ALDH3B2: variants seen among roughly 807,000 people sequenced by gnomAD.
ALDH3B2 encodes the protein aldehyde dehydrogenase 3 family member B2, also known as aldehyde dehydrogenase family 3 member B2.
ALDH3B2 carries 45 observed loss-of-function variants against 36.7 expected under a neutral mutation model. The observed-to-expected ratio is 1.23, with a 90% CI of 0.97 to 1.57. The LOEUF (loss-of-function observed/expected upper bound fraction) is 1.57, where lower values mean the gene tolerates loss of function less well. ALDH3B2 is among the 40% of genes most tolerant of loss of function. ALDH3B2 has a pLI of 0.00. For synonymous variants in ALDH3B2, 217 were observed against 226.5 expected (o/e 0.96, Z 0.38); for missense variants, 464 against 513.3 (o/e 0.90, Z 0.93).
intron 1 of ALDH3B2, among the ~76,000 whole-genome samples, chr11:67,680,131 T>C (rs1856343917): frequency 6.6e-6 from 1 of 151,944 alleles, no homozygotes; most frequent in Admixed American, 6.6e-5. Flanking sequence ...CTGACCAACA[T>C]GATGAAACCC....
At chr11:67,674,709 G>A (rs1856226104), upstream of ALDH3B2, 1 of 152,630 alleles carries the variant, frequency 6.6e-6, no homozygotes, top group Admixed American at 6.5e-5. Flanking sequence ...CTCACTGCCA[G>A]GACCTATAGC....
chr11:67,677,288 G>A (rs941808050), upstream of ALDH3B2, among the ~76,000 whole-genome samples: 2 of 151,996 alleles, frequency 1.3e-5, no homozygotes, highest in Non-Finnish European at 2.9e-5. Flanking sequence ...GAGATGCAGG[G>A]GTGGTTTAAC....
chr11:67,666,292 C>A, intron 5 of ALDH3B2, 24 bp downstream of exon 5: 1 of 1,610,474 alleles, frequency 6.2e-7, no homozygotes, highest in Non-Finnish European at 8.5e-7. Context: ...ACGTCGGGCA[C>A]TGCTGGGGCA....
At chr11:67,662,263 G>C (rs1006814148) in exon 10 of ALDH3B2, 2 of 152,246 alleles carry the variant, frequency 1.3e-5, no homozygotes, top group Non-Finnish European at 2.9e-5. Flanking sequence ...CAGCCAAGGG[G>C]AAGCTTTTAA....
intron 2 of ALDH3B2, 86 bp from the exon 3 acceptor site, chr11:67,667,102 C>G: frequency 1.4e-6 from 1 of 719,042 alleles, no homozygotes; most frequent in Non-Finnish European, 2.4e-6. Context: ...ACGCAGGCAC[C>G]ACCACCACTG....
chr11:67,669,870 G>A (rs1384773405), intron 1 of ALDH3B2, among the ~76,000 whole-genome samples: 4 of 146,584 alleles, frequency 2.7e-5, no homozygotes, highest in Non-Finnish European at 4.5e-5. Context: ...GTGTGTCTGT[G>A]TGTGTATGGG....
At chr11:67,672,272 C>T (rs1192728710) in intron 1 of ALDH3B2, among the ~76,000 whole-genome samples, 1 of 150,718 alleles carries the variant, frequency 6.6e-6, no homozygotes, top group East Asian at 1.9e-4. Context: ...CTCAGCCTCC[C>T]GAATAGCTGA....
At chr11:67,667,122 A>C in intron 2 of ALDH3B2, 106 bp from the exon 3 acceptor site, 1 of 648,744 alleles carries the variant, frequency 1.5e-6, no homozygotes, top group Non-Finnish European at 2.7e-6. Flanking sequence ...GGACATATAA[A>C]TACAGCTCCT....
intron 7 of ALDH3B2, 76 bp from the exon 8 acceptor site, chr11:67,664,638 A>G: frequency 6.4e-7 from 1 of 1,566,874 alleles, no homozygotes; most frequent in Non-Finnish European, 8.6e-7. Flanking sequence ...AGGTGGGGAC[A>G]GGGGCATGGG....
intron 1 of ALDH3B2, among the ~76,000 whole-genome samples, chr11:67,670,115 G>T (rs1391806594): frequency 1.9e-5 from 1 of 52,212 alleles, no homozygotes; most frequent in Non-Finnish European, 4.1e-5. Flanking sequence ...TGTGTGTATG[G>T]GTGTCTGTGT....
At chr11:67,670,764 G>A (rs375933532) in intron 1 of ALDH3B2, among the ~76,000 whole-genome samples, 146 of 152,284 alleles carry the variant, frequency 9.6e-4, no homozygotes, top group African/African-American at 3.2e-3. Context: ...CCTGGGCAGC[G>A]TGATCACATT....
intron 6 of ALDH3B2, 108 bp downstream of exon 6, chr11:67,666,014 C>T (rs1855896967): frequency 2.5e-5 from 34 of 1,380,514 alleles, no homozygotes; most frequent in Admixed American, 3.5e-5. Flanking sequence ...GCTCCAGCTC[C>T]CCACGTGCCC....
exon 2 of ALDH3B2, chr11:67,667,559 G>A (rs773702242): frequency 2.9e-5 from 11 of 384,206 alleles, no homozygotes; most frequent in Non-Finnish European, 4.6e-5. Flanking sequence ...TGCGCAGCCC[G>A]GAACTCGGCC....
intron 1 of ALDH3B2, among the ~76,000 whole-genome samples, chr11:67,672,042 CATATATATATATATATAT>C (rs57997475): frequency 3.6e-4 from 18 of 49,494 alleles, no homozygotes; most frequent in South Asian, 9.5e-4. Context: ...CGATGTACTT[CATATATATATATATATAT>C]ATATATATAT....
At chr11:67,677,511 A>G (rs1402210947), upstream of ALDH3B2, among the ~76,000 whole-genome samples, 3 of 152,206 alleles carry the variant, frequency 2.0e-5, no homozygotes, top group Non-Finnish European at 4.4e-5. Flanking sequence ...TGAACGGGAA[A>G]AAGTTGAAAG....
upstream of ALDH3B2, among the ~76,000 whole-genome samples, chr11:67,676,347 C>T (rs1426343521): frequency 6.6e-6 from 1 of 152,100 alleles, no homozygotes. Flanking sequence ...ATAACCTGCT[C>T]TTGAATGAGC....
At chr11:67,663,811 G>T in intron 8 of ALDH3B2, 50 bp from the exon 9 acceptor site, 3 of 1,510,576 alleles carry the variant, frequency 2.0e-6, no homozygotes, top group Non-Finnish European at 2.7e-6. Context: ...TGAGAAGAGG[G>T]CTTGAGCCCC....
exon 10 of ALDH3B2, chr11:67,663,322 G>C (rs773446983): frequency 1.9e-6 from 3 of 1,614,056 alleles, no homozygotes. Flanking sequence ...AGGCCGGAGG[G>C]GGCGAGCAGG....
chr11:67,665,745 T>C, intron 6 of ALDH3B2, 74 bp from the exon 7 acceptor site: 1 of 1,533,914 alleles, frequency 6.5e-7, no homozygotes, highest in Non-Finnish European at 8.8e-7. Flanking sequence ...CAGAGCCTGC[T>C]CCTCCCTGGA....
Sources: gnomAD v4.1 joint callset for allele counts (sites outside exome capture counted in the v4.1 genomes callset) on GRCh38, gnomAD v4.1.1 for gene constraint, MANE v1.5 for transcripts, NCBI Gene and HGNC (gene_info 2026-07-23, HGNC 2026-07-21) for gene names.